The following AVL9 variants were observed in gnomAD, a reference collection of about 807,000 sequenced individuals.
AVL9 encodes late secretory pathway protein AVL9 homolog.
Under a neutral mutation model 79.2 loss-of-function variants are expected in AVL9, and 49 were observed. The observed-to-expected ratio is 0.62, with a 90% CI of 0.49 to 0.79. AVL9 has a LOEUF of 0.79. AVL9 is among the 30% of genes least tolerant of loss of function. The pLI, the probability that AVL9 is intolerant of heterozygous loss-of-function variation, is 0.00. For missense variants in AVL9, 682 were observed against 776.8 expected (o/e 0.88, Z 1.45); for synonymous variants, 299 against 280.6 (o/e 1.07, Z -0.65).
At chr7:32,567,509 A>G (rs1790636540) in intron 10 of AVL9, among the ~76,000 whole-genome samples, 1 of 152,156 alleles carries the variant, frequency 6.6e-6, no homozygotes, top group African/African-American at 2.4e-5. Context: ...CATCGCTAAT[A>G]AAAAGTCTCC....
Position 32,543,125 on chromosome 7 carries a change from T to C in AVL9, c.94-16T>C. On this transcript the variant is annotated splice_polypyrimidine_tract_variant and intron_variant, in intron 1 of 15. Coordinates refer to ENST00000318709, the MANE Select transcript of AVL9 (RefSeq NM_015060.3). ...TTGGTCAACCACCTTTTGGCTAACA[T>C]TCCTTACTATTTTAGGTTGAATTCT... 1.4e-5 allele frequency: 23 copies of C among 1,612,914 alleles called. No homozygotes were observed. Among genetic ancestry groups the C allele is most frequent in the Non-Finnish European group, 1.8e-5 (21 of 1,179,694 alleles).
intron 1 of AVL9, among the ~76,000 whole-genome samples, chr7:32,497,890 A>C (rs2128108944): frequency 6.6e-6 from 1 of 152,228 alleles, no homozygotes. Context: ...TTACCTCGTG[A>C]TCCGCCCGCC....
Position 32,559,029 on chromosome 7 carries a change from T to C in AVL9, c.780T>C (p.Asp260=). 6.2e-7 allele frequency: 1 copy of C among 1,614,140 alleles called. No homozygotes were observed. Among genetic ancestry groups the C allele is most frequent in the Non-Finnish European group, 8.5e-7 (1 of 1,180,004 alleles). Residue 260 remains aspartate (D), a synonymous_variant, in exon 10 of 16, where the codon GAT becomes GAC. Coordinates refer to ENST00000318709, the MANE Select transcript of AVL9 (RefSeq NM_015060.3). ...GLQESNPCAD[D]FVSASTADVS... ...AGGAAAGTAACCCATGTGCAGATGATTTTGTTTCTGCATCCACTGCTGATG... is the reference window on the plus strand; with the variant it reads ...AGGAAAGTAACCCATGTGCAGATGACTTTGTTTCTGCATCCACTGCTGATG...
intron 4 of AVL9, among the ~76,000 whole-genome samples, chr7:32,549,246 A>G (rs1253737345): frequency 3.4e-5 from 5 of 148,170 alleles, no homozygotes; most frequent in Non-Finnish European, 3.0e-5. Flanking sequence ...TTTTTTTGAG[A>G]CAGAGTCTCA....
At chr7:32,524,430 G>C (rs1352568404) in intron 1 of AVL9, among the ~76,000 whole-genome samples, 6 of 152,014 alleles carry the variant, frequency 3.9e-5, no homozygotes, top group African/African-American at 1.4e-4. Context: ...CTGGAGAATT[G>C]CTTGAACTCA....
chr7:32,584,006 A>G lies in AVL9; in HGVS notation c.*99A>G, dbSNP rs573096293. 8 of 832,696 alleles carry G rather than the reference A, an allele frequency of 9.6e-6. No homozygotes were observed. In the African/African-American group the frequency reaches 1.3e-4, roughly 14 times the overall value. 51.6% of individuals were successfully genotyped at this position (832,696 alleles called of 1,614,324 possible). ...ACTAGCCACAGATCCACAGCAGGGG[A>G]CCATATGTCGAACTGTTTACATGGA... On this transcript the variant is annotated 3_prime_UTR_variant, in exon 16 of 16. Transcript: ENST00000318709.
chr7:32,559,372 C>G lies in AVL9; in HGVS notation c.1123C>G (p.Gln375Glu), dbSNP rs1418026559. The G allele has an allele frequency of 6.2e-7, 1 of 1,613,888 alleles. No individual in the cohort carries two copies. Among genetic ancestry groups the G allele is most frequent in the Non-Finnish European group, 8.5e-7 (1 of 1,180,024 alleles). ...GAGTCTTCCAATTACTGTACAACCT[C>G]AAGCTAATACGGGACAGGTAGTCCT... is the stretch of plus-strand genomic sequence containing the variant. ...SESLPITVQP[Q>E]ANTGQVVLIP... Residue 375 changes from glutamine to glutamate, a missense_variant, in exon 10 of 16, where the codon CAA (glutamine) becomes GAA (glutamate). Gln to Glu is a conservative substitution (Grantham distance 29). Transcript: ENST00000318709.
chr7:32,522,650 G>A (rs1241429305), intron 1 of AVL9, among the ~76,000 whole-genome samples: 1 of 152,144 alleles, frequency 6.6e-6, no homozygotes, highest in Non-Finnish European at 1.5e-5. Context: ...GCTGAAATGA[G>A]TTAAGACTTT....
chr7:32,565,334 C>T (rs1261944528), intron 10 of AVL9, among the ~76,000 whole-genome samples: 6 of 151,968 alleles, frequency 3.9e-5, no homozygotes, highest in East Asian at 2.0e-4. Context: ...CCAAGGCAGG[C>T]GGATCACCTA....
rs147046808 is a variant in AVL9, at chr7:32,513,647, G to C, written c.93+17845G>C. Among the ~76,000 whole-genome samples, 1,223 of 152,298 alleles carry C rather than the reference G, an allele frequency of 8.0e-3. 3 individuals carry two copies. Among genetic ancestry groups the C allele is most frequent in the Non-Finnish European group, 0.012 (798 of 68,024 alleles). On this transcript the variant is annotated intron_variant, in intron 1 of 15. Transcript: ENST00000318709. ...CCCTCCACACCTGTGGGTATTTCTC[G>C]CAAGGTGGAGACGAGAGACTGAGAA...
rs1227025763 is a variant in AVL9, at chr7:32,548,144, C to CTCTCTTTTTTTTTTTTTT, written c.301-702_301-701insCTCTTTTTTTTTTTTTTT. 5.8e-3 allele frequency among the ~76,000 whole-genome samples: 333 copies of CTCTCTTTTTTTTTTTTTT among 57,470 alleles called. 7 individuals are homozygous for CTCTCTTTTTTTTTTTTTT. Among genetic ancestry groups the CTCTCTTTTTTTTTTTTTT allele is most frequent in the African/African-American group, 0.017 (320 of 18,406 alleles). 37.7% of individuals were successfully genotyped at this position (57,470 alleles called of 152,430 possible). A position where few individuals can be genotyped will look rare whatever the true frequency, so the allele number is the denominator to read the frequency against. On this transcript the variant is annotated intron_variant, in intron 3 of 15. Transcript: ENST00000318709. ...AACAAGCTGTCTGTTTTTGTCATCT[C>CTCTCTTTTTTTTTTTTTT]TTTTTTCTTTTTTTTTTTTTTGAGA...
At chr7:32,541,112 G>A (rs543583226) in intron 1 of AVL9, among the ~76,000 whole-genome samples, 1 of 151,240 alleles carries the variant, frequency 6.6e-6, no homozygotes, top group East Asian at 1.9e-4. Context: ...CGTTTTAGCC[G>A]GGATGGTCTC....
chr7:32,526,388 G>A (rs1788400855), intron 1 of AVL9, among the ~76,000 whole-genome samples: 1 of 152,174 alleles, frequency 6.6e-6, no homozygotes, highest in African/African-American at 2.4e-5. Context: ...GAGTGTGATG[G>A]TCTGAAGGCA....
chr7:32,587,866 GA>G lies in AVL9; in HGVS notation c.*3961del, dbSNP rs1562810083. 6.6e-6 allele frequency: 1 copy of G among 152,146 alleles called. No homozygotes were observed. The highest frequency in any genetic ancestry group is 2.4e-5 in the African/African-American group (1 of 41,426). 9.4% of individuals were successfully genotyped at this position (152,146 alleles called of 1,614,324 possible). A position where few individuals can be genotyped will look rare whatever the true frequency, so the allele number is the denominator to read the frequency against. ...AATATTTGTCAAGGACAAAGAAAAG[GA>G]ATGTGGATGTTTATTCTTTTCATAT... On this transcript the variant is annotated 3_prime_UTR_variant, in exon 16 of 16. Transcript: ENST00000318709.
At chr7:32,557,851 C>CTTTT (rs1172974924) in intron 8 of AVL9, among the ~76,000 whole-genome samples, 2 of 64,202 alleles carry the variant, frequency 3.1e-5, no homozygotes, top group African/African-American at 1.1e-4. Context: ...TTAGCTGTTA[C>CTTTT]TCTTTTTTTT....
At chr7:32,508,604 T>C (rs1321403910) in intron 1 of AVL9, among the ~76,000 whole-genome samples, 1 of 152,240 alleles carries the variant, frequency 6.6e-6, no homozygotes, top group Non-Finnish European at 1.5e-5. Context: ...GAAGATTTAT[T>C]GTTTTTACCC....
At position 32,572,148 on chromosome 7, in the gene AVL9, T is replaced by A. The variant is rs530322728; in HGVS notation, c.1351-1051T>A. ...CTGCACTCCAGCTTGGGCGATAGAG[T>A]GAAATTCTGTCTCAAAAAAAAAAGA... On this transcript the variant is annotated intron_variant, in intron 11 of 15. Transcript: ENST00000318709. Among the ~76,000 whole-genome samples, 50 of 142,912 alleles carry A rather than the reference T, an allele frequency of 3.5e-4. 2 individuals carry two copies. The highest frequency in any genetic ancestry group is 1.4e-3 in the African/African-American group (50 of 35,498). The allele number at this position is 142,912 out of a possible 152,430, so 93.8% of individuals were successfully genotyped here.
chr7:32,510,568 A>G (rs56693210), intron 1 of AVL9, among the ~76,000 whole-genome samples: 968 of 67,666 alleles, frequency 0.014, no homozygotes, highest in Middle Eastern at 0.065. Context: ...TCTCCAGGGT[A>G]AGATTTGTGA....
intron 11 of AVL9, among the ~76,000 whole-genome samples, chr7:32,572,512 A>G (rs1790899912): frequency 6.6e-6 from 1 of 150,782 alleles, no homozygotes; most frequent in East Asian, 1.9e-4. Context: ...AAGATATTCT[A>G]AAGTATCTGG....
Sources: allele counts gnomAD v4.1 joint callset (sites outside exome capture counted in the v4.1 genomes callset), GRCh38; gene constraint gnomAD v4.1.1; transcripts MANE v1.5; gene names NCBI Gene and HGNC (gene_info 2026-07-23, HGNC 2026-07-21).